The following CNNM2 variants were observed in gnomAD, a reference collection of about 807,000 sequenced individuals.
The protein encoded by CNNM2 is metal transporter CNNM2.
Under a neutral mutation model 66.9 loss-of-function variants are expected in CNNM2, and 12 were observed. The observed-to-expected ratio is 0.18, with a 90% CI of 0.11 to 0.29. The LOEUF (loss-of-function observed/expected upper bound fraction) is 0.29. Ranked by LOEUF, CNNM2 falls within the 10% of genes least tolerant of loss-of-function variation. The probability of loss-of-function intolerance (pLI) is 1.00; values close to 1 mark genes in which losing one functional copy is unlikely to be tolerated. For missense variants in CNNM2, 705 were observed against 1,167.7 expected, an observed-to-expected ratio of 0.60 and a Z score of 5.77; for synonymous variants, 557 against 501.8, an observed-to-expected ratio of 1.11 and a Z score of -1.47.
At chr10:102,986,284 C>T (rs1309894506) in intron 1 of CNNM2, among the ~76,000 whole-genome samples, 1 of 151,986 alleles carries the variant, frequency 6.6e-6, no homozygotes, top group African/African-American at 2.4e-5. Context: ...GAGGCGGTCT[C>T]ACTCTGTCAC....
At chr10:102,985,812 G>A (rs923081203) in intron 1 of CNNM2, among the ~76,000 whole-genome samples, 26 of 152,174 alleles carry the variant, frequency 1.7e-4, no homozygotes, top group African/African-American at 5.5e-4. Context: ...TTGGGAAAGG[G>A]GGGCCTTCTA....
intron 1 of CNNM2, among the ~76,000 whole-genome samples, chr10:102,974,840 C>T (rs2063600864): frequency 6.6e-6 from 1 of 152,168 alleles, no homozygotes; most frequent in African/African-American, 2.4e-5. Context: ...CCCATGAATC[C>T]TATTTTATTC....
chr10:103,054,796 C>T lies in CNNM2; in HGVS notation c.1903+330C>T, dbSNP rs559412384. On this transcript the variant is annotated intron_variant, in intron 3 of 7. Coordinates refer to ENST00000369878, the MANE Select transcript of CNNM2 (RefSeq NM_017649.5). This position sits in a 1 kb window ranked among gnomAD's most constrained non-coding sequence, Gnocchi z 5.2. Reference sequence around the variant, plus strand: ...CAGGCCATCTCCTTCCAGCTAGGTCCGTGGGAGAGCCAGCTGGCGGAGCAG... The same window carrying T: ...CAGGCCATCTCCTTCCAGCTAGGTCTGTGGGAGAGCCAGCTGGCGGAGCAG... Among the ~76,000 whole-genome samples, 34 of 152,184 alleles carry T rather than the reference C, an allele frequency of 2.2e-4. No individual in the cohort carries two copies. Among genetic ancestry groups the T allele is most frequent in the Middle Eastern group, 3.4e-3 (1 of 292 alleles).
Position 103,012,381 on chromosome 10 carries a change from C to T in CNNM2, c.1622-37326C>T, listed in dbSNP as rs1187084762. Among the ~76,000 whole-genome samples, 5 of 152,132 alleles carry T rather than the reference C, an allele frequency of 3.3e-5. No homozygotes were observed. In the East Asian group the frequency reaches 7.7e-4, roughly 23 times the overall value. On this transcript the variant is annotated intron_variant, in intron 1 of 7. Coordinates refer to ENST00000369878, the MANE Select transcript of CNNM2 (RefSeq NM_017649.5). ...TATTGCCAGGCTGGGCATGGTGGCT[C>T]GCGCCTGTAATCCCAGCACTTTGGG... is the stretch of plus-strand genomic sequence containing the variant.
chr10:103,068,740 C>G lies in CNNM2; in HGVS notation c.2167+18C>G. 2 of 1,593,992 alleles carry G rather than the reference C, an allele frequency of 1.3e-6. No homozygotes were observed. Among genetic ancestry groups the G allele is most frequent in the Non-Finnish European group, 1.7e-6 (2 of 1,164,874 alleles). The stretch of plus-strand genomic sequence containing the variant: ...CTCTCCAGGTATGTTTGGTTCCCAG[C>G]CGCATAGGGCAGGACCACGTGTTAG... On this transcript the variant is annotated intron_variant, in intron 5 of 7. Transcript: ENST00000369878.
At chr10:102,951,549 A>T (rs1454895703) in intron 1 of CNNM2, among the ~76,000 whole-genome samples, 2 of 151,712 alleles carry the variant, frequency 1.3e-5, no homozygotes, top group African/African-American at 2.4e-5. Flanking sequence ...GCACGCTTGC[A>T]TGCTTTTAAG....
intron 3 of CNNM2, among the ~76,000 whole-genome samples, 175 bp from the exon 4 acceptor site, chr10:103,056,620 T>C (rs1035800491): frequency 2.6e-5 from 4 of 152,256 alleles, no homozygotes; most frequent in African/African-American, 9.6e-5. Context: ...TTCAGCACTT[T>C]CTAATTTCTC....
At chr10:103,056,584 A>G (rs550841669) in intron 3 of CNNM2, among the ~76,000 whole-genome samples, 19 of 152,372 alleles carry the variant, frequency 1.2e-4, no homozygotes, top group African/African-American at 3.8e-4. Context: ...TGAAAAGGAA[A>G]GAAGTAAAAG....
At chr10:103,073,693 C>G (rs183333447) in intron 6 of CNNM2, among the ~76,000 whole-genome samples, 127 of 151,830 alleles carry the variant, frequency 8.4e-4, no homozygotes, top group Non-Finnish European at 1.7e-3. Context: ...AACCCCGTCT[C>G]TACTAAAAAT....
At chr10:102,970,445 G>A (rs759579779) in intron 1 of CNNM2, among the ~76,000 whole-genome samples, 9 of 152,254 alleles carry the variant, frequency 5.9e-5, no homozygotes, top group Non-Finnish European at 8.8e-5. Context: ...ATAAGGGCAA[G>A]AGTAGGGTAG....
rs911486392 is a variant in CNNM2 at position 103,086,115 on chromosome 10, T to G, written c.*8935T>G. The G allele has an allele frequency of 3.3e-5, 5 of 152,362 alleles. No individual in the cohort carries two copies. Among genetic ancestry groups the G allele is most frequent in the African/African-American group, 1.2e-4 (5 of 41,450 alleles). 9.4% of individuals were successfully genotyped at this position (152,362 alleles called of 1,614,324 possible). A position where few individuals can be genotyped will look rare whatever the true frequency, so the allele number is the denominator to read the frequency against. On this transcript the variant is annotated 3_prime_UTR_variant, in exon 8 of 8. Coordinates refer to ENST00000369878, the MANE Select transcript of CNNM2 (RefSeq NM_017649.5). ...TGTGCCTGTGGTCATCCCTGCTCCT[T>G]AGCAGTAGTGCATGTTTTTCTTCTA... is the stretch of plus-strand genomic sequence containing the variant.
At chr10:103,053,546 A>G (rs2065250017) in intron 2 of CNNM2, among the ~76,000 whole-genome samples, 1 of 152,150 alleles carries the variant, frequency 6.6e-6, no homozygotes, top group Non-Finnish European at 1.5e-5. Flanking sequence ...AAGAAGAACA[A>G]TTACTTTGTG....
chr10:103,071,690 A>AT (rs1228362488), intron 5 of CNNM2, 84 bp from the exon 6 acceptor site: 7 of 1,031,424 alleles, frequency 6.8e-6, no homozygotes, highest in Non-Finnish European at 7.7e-6. Flanking sequence ...TGATAGAACA[A>AT]GTATCCCCTC....
chr10:103,052,950 C>T (rs983214515), intron 2 of CNNM2, among the ~76,000 whole-genome samples: 18 of 152,192 alleles, frequency 1.2e-4, no homozygotes, highest in Middle Eastern at 3.2e-3. Context: ...AAGTTGCAGT[C>T]GCCTTCTCAG....
intron 1 of CNNM2, among the ~76,000 whole-genome samples, chr10:102,937,119 G>A (rs1045804169): frequency 2.0e-5 from 3 of 152,144 alleles, no homozygotes; most frequent in Non-Finnish European, 2.9e-5. Context: ...GAGAAATAAG[G>A]GAATTTAGGC....
At chr10:103,063,484 G>A (rs564939179) in intron 4 of CNNM2, among the ~76,000 whole-genome samples, 85 of 152,338 alleles carry the variant, frequency 5.6e-4, no homozygotes, top group Non-Finnish European at 9.8e-4. Flanking sequence ...TCCCGGGTTG[G>A]CACTGTTTGC....
Position 103,090,003 on chromosome 10 carries a change from A to G in CNNM2, c.*12823A>G, listed in dbSNP as rs2066291021. 3 of 912,508 alleles carry G rather than the reference A, an allele frequency of 3.3e-6. No individual in the cohort carries two copies. Among genetic ancestry groups the G allele is most frequent in the East Asian group, 2.6e-5 (1 of 38,322 alleles). The allele number at this position is 912,508 out of a possible 1,614,324, so 56.5% of individuals were successfully genotyped here. A position where few individuals can be genotyped will look rare whatever the true frequency, so the allele number is the denominator to read the frequency against. On this transcript the variant is annotated 3_prime_UTR_variant, in exon 8 of 8. Transcript: ENST00000369878. Reference sequence around the variant, plus strand: ...CTCTCCTCTGTTAGGTGGCCATGCAATTACATCTATAATGGACCACAGGAC... The same window carrying G: ...CTCTCCTCTGTTAGGTGGCCATGCAGTTACATCTATAATGGACCACAGGAC...
rs1845544653 is a variant in CNNM2 at position 102,919,410 on chromosome 10, G to A, written c.930G>A (p.Arg310=). The change falls in exon 1 of 8, where the codon AGG becomes AGA. Residue 310 remains arginine (R), a synonymous_variant. Coordinates refer to ENST00000369878, the MANE Select transcript of CNNM2 (RefSeq NM_017649.5). ...CCAAGCGCATCGAGCCGGTGCGCAG[G>A]CAGGGCAACTACCTGCTGTGCTCAC... ...NYAKRIEPVR[R]QGNYLLCSLL... is the part of the protein sequence containing the mutation. 5 of 1,611,594 alleles carry A rather than the reference G, an allele frequency of 3.1e-6. No homozygotes were observed. Among genetic ancestry groups the A allele is most frequent in the Middle Eastern group, 1.6e-4 (1 of 6,062 alleles).
At chr10:103,032,540 A>G (rs572968506) in intron 1 of CNNM2, among the ~76,000 whole-genome samples, 1 of 152,314 alleles carries the variant, frequency 6.6e-6, no homozygotes, top group South Asian at 2.1e-4. Context: ...ATTTGTTTCT[A>G]GAGTTTTCTA....
Sources: allele counts gnomAD v4.1 joint callset (sites outside exome capture counted in the v4.1 genomes callset), GRCh38; gene constraint gnomAD v4.1.1; non-coding constraint Gnocchi (gnomAD v3.1); transcripts MANE v1.5; gene names NCBI Gene and HGNC (gene_info 2026-07-23, HGNC 2026-07-21).